Variants in RHOD observed in about 807,000 individuals in gnomAD.
RHOD encodes the protein rho-related GTP-binding protein RhoD.
RHOD carries 11 observed loss-of-function variants against 16.7 expected under a neutral mutation model. That is an observed-to-expected ratio of 0.66 (90% confidence interval 0.41 to 1.09). The LOEUF is 1.09. Ranked by LOEUF, RHOD falls within the 50% of genes least tolerant of loss-of-function variation. The probability of loss-of-function intolerance (pLI) is 0.00; values close to 1 mark genes in which losing one functional copy is unlikely to be tolerated. For missense variants in RHOD, 271 were observed against 291.7 expected (o/e 0.93, Z 0.52); for synonymous variants, 124 against 126.3 (o/e 0.98, Z 0.12).
intron 3 of RHOD, among the ~76,000 whole-genome samples, chr11:67,068,239 G>A (rs753393370): frequency 2.0e-5 from 3 of 152,192 alleles, no homozygotes; most frequent in South Asian, 2.1e-4. Flanking sequence ...CAGTTCCTCC[G>A]AGCAGGCAGT....
intron 4 of RHOD, 147 bp from the exon 5 acceptor site, chr11:67,071,288 G>A (rs2136250481): frequency 1.9e-6 from 1 of 532,310 alleles, no homozygotes; most frequent in Non-Finnish European, 3.1e-6. Context: ...ATGATGAAGT[G>A]CATGAGGGCG....
In RHOD at chr11:67,066,746, G is replaced by T; in HGVS notation, c.229G>T (p.Asp77Tyr). The T allele has an allele frequency of 6.2e-7, 1 of 1,611,658 alleles. No individual in the cohort carries two copies. The stretch of plus-strand genomic sequence containing the variant: ...ACCTCCACTCTGCCCAGGGCAAGAT[G>T]ACTATGACCGCCTGCGGCCCCTGTT... ...LHIWDTAGQD[D>Y]YDRLRPLFYP... The change falls in exon 3 of 5, where the codon GAC becomes TAC. Residue 77 changes from aspartate to tyrosine, a missense_variant. Asp to Tyr is a radical substitution (Grantham distance 160). Transcript: ENST00000308831.
intron 4 of RHOD, among the ~76,000 whole-genome samples, chr11:67,070,926 A>G (rs1387259721): frequency 6.6e-6 from 1 of 152,030 alleles, no homozygotes; most frequent in Admixed American, 6.6e-5. Context: ...AGAGGCCCAG[A>G]ACGGAGGTTA....
intron 4 of RHOD, 112 bp downstream of exon 4, chr11:67,070,671 G>A (rs771921010): frequency 1.1e-5 from 14 of 1,317,274 alleles, no homozygotes; most frequent in Admixed American, 8.0e-5. Flanking sequence ...TCAGAGCTGC[G>A]GTCGTCTTAG....
chr11:67,064,545 TGA>T (rs1397595337), intron 1 of RHOD, among the ~76,000 whole-genome samples: 1 of 151,908 alleles, frequency 6.6e-6, no homozygotes, highest in Admixed American at 6.6e-5. Context: ...TGTGAGAGGT[TGA>T]GAGGCAAAGG....
chr11:67,058,738 A>G (rs935888416), intron 1 of RHOD, among the ~76,000 whole-genome samples: 14 of 152,252 alleles, frequency 9.2e-5, no homozygotes, highest in Non-Finnish European at 2.1e-4. Context: ...TATCAGGATG[A>G]TATCTGTCTG....
intron 1 of RHOD, 35 bp downstream of exon 1, chr11:67,057,069 G>T: frequency 1.4e-6 from 2 of 1,403,976 alleles, no homozygotes. Flanking sequence ...GCCCGGTTCC[G>T]CTCGCGCGCC....
At chr11:67,058,737 G>T (rs1482045440) in intron 1 of RHOD, among the ~76,000 whole-genome samples, 1 of 152,218 alleles carries the variant, frequency 6.6e-6, no homozygotes, top group African/African-American at 2.4e-5. Flanking sequence ...TTATCAGGAT[G>T]ATATCTGTCT....
chr11:67,061,682 C>A (rs1157181116), intron 1 of RHOD, among the ~76,000 whole-genome samples: 2 of 130,808 alleles, frequency 1.5e-5, no homozygotes, highest in Non-Finnish European at 3.1e-5. Context: ...TGCAGTGAGC[C>A]GAGATCAGGC....
intron 3 of RHOD, among the ~76,000 whole-genome samples, chr11:67,067,148 T>A (rs1290829561): frequency 6.6e-6 from 1 of 152,158 alleles, no homozygotes; most frequent in Non-Finnish European, 1.5e-5. Context: ...CTGCCTGAGG[T>A]TGCTGGGTGA....
At chr11:67,064,442 C>G (rs753053468) in intron 1 of RHOD, among the ~76,000 whole-genome samples, 1 of 149,304 alleles carries the variant, frequency 6.7e-6, no homozygotes, top group Non-Finnish European at 1.5e-5. Flanking sequence ...GGAAAAAAAA[C>G]GGTAGAGGGG....
At position 67,056,891 on chromosome 11, in the gene RHOD, C is replaced by A. The variant is rs1043463100; in HGVS notation, c.-12C>A. The A allele has an allele frequency of 1.4e-6, 2 of 1,410,006 alleles. No individual in the cohort carries two copies. Among genetic ancestry groups the A allele is most frequent in the Admixed American group, 3.4e-5 (1 of 29,120 alleles). The allele number at this position is 1,410,006 out of a possible 1,614,324, so 87.3% of individuals were successfully genotyped here. ...CAGCCGCCCGCCCGCCCGCTCAGCG[C>A]CCGGCCCCGGGATGACGGCGGCCCA... On this transcript the variant is annotated 5_prime_UTR_variant, in exon 1 of 5. Transcript: ENST00000308831.
intron 2 of RHOD, 152 bp downstream of exon 2, chr11:67,066,135 C>T: frequency 1.5e-6 from 1 of 678,310 alleles, no homozygotes; most frequent in Non-Finnish European, 2.5e-6. Flanking sequence ...AGTCTGAGCC[C>T]TCCTTGCCTC....
At chr11:67,069,939 C>T (rs1855005742) in intron 3 of RHOD, among the ~76,000 whole-genome samples, 1 of 151,670 alleles carries the variant, frequency 6.6e-6, no homozygotes, top group Admixed American at 6.6e-5. Context: ...GTTCCACCTG[C>T]CTCAGGCTCC....
At chr11:67,062,095 G>T (rs888230441) in intron 1 of RHOD, among the ~76,000 whole-genome samples, 3 of 152,054 alleles carry the variant, frequency 2.0e-5, no homozygotes, top group African/African-American at 7.2e-5. Flanking sequence ...ATTACAATTC[G>T]AGATGAGATT....
At chr11:67,059,070 G>A (rs773216733) in intron 1 of RHOD, among the ~76,000 whole-genome samples, 1 of 152,156 alleles carries the variant, frequency 6.6e-6, no homozygotes. Context: ...GAGTTATGAC[G>A]TGGAAATGGG....
At chr11:67,061,963 T>C (rs1398961962) in intron 1 of RHOD, among the ~76,000 whole-genome samples, 1 of 151,338 alleles carries the variant, frequency 6.6e-6, no homozygotes, top group Non-Finnish European at 1.5e-5. Context: ...ATTGCACTAC[T>C]GCGCTCCAGC....
In RHOD at chr11:67,064,105, CAAAA is replaced by C. The variant is rs1280364068; in HGVS notation, c.133-1775_133-1772del. Reference sequence around the variant, plus strand: ...TGGGTGACAGAGTGAGACTCCGTCTCAAAAAAAAAAAAAAAAAAAGGCCGGGCGC... The same window carrying C: ...TGGGTGACAGAGTGAGACTCCGTCTCAAAAAAAAAAAAAAAGGCCGGGCGC... On this transcript the variant is annotated intron_variant, in intron 1 of 4. Transcript: ENST00000308831. 3.9e-3 allele frequency among the ~76,000 whole-genome samples: 179 copies of C among 45,582 alleles called. 1 individual carries two copies. The Middle Eastern group carries it at 0.058, about 15-fold the overall frequency. The allele number at this position is 45,582 out of a possible 152,430, so 29.9% of individuals were successfully genotyped here. A position where few individuals can be genotyped will look rare whatever the true frequency, so the allele number is the denominator to read the frequency against.
chr11:67,063,601 C>A (rs936250215), intron 1 of RHOD, among the ~76,000 whole-genome samples: 1 of 150,074 alleles, frequency 6.7e-6, no homozygotes, highest in Admixed American at 6.7e-5. Flanking sequence ...AGTTCAAGAC[C>A]AGCCTGGCTA....
Sources: gnomAD v4.1 joint callset for allele counts (sites outside exome capture counted in the v4.1 genomes callset) on GRCh38, gnomAD v4.1.1 for gene constraint, MANE v1.5 for transcripts, NCBI Gene and HGNC (gene_info 2026-07-23, HGNC 2026-07-21) for gene names.